NEBL: variants seen among roughly 807,000 people sequenced by gnomAD.
The protein encoded by NEBL is nebulette, also known as LIM and SH3 protein 2.
In NEBL, 122 loss-of-function variants were observed where a neutral mutation model predicts 140.2. That is an observed-to-expected ratio of 0.87 (90% CI 0.75 to 1.01). NEBL has a LOEUF of 1.01. Among genes scored for constraint, NEBL ranks in the 50% least tolerant of loss-of-function variants. The pLI, the probability that NEBL is intolerant of heterozygous loss-of-function variation, is 0.00. For missense variants in NEBL, 1,365 were observed against 1,231.3 expected (o/e 1.11, Z -1.62); for synonymous variants, 436 against 398.9 (o/e 1.09, Z -1.11).
At chr10:20,879,512 A>G (rs1426146258) in intron 5 of NEBL, among the ~76,000 whole-genome samples, 1 of 152,090 alleles carries the variant, frequency 6.6e-6, no homozygotes, top group African/African-American at 2.4e-5. Context: ...AAAACGTAAA[A>G]CCTCATTCCA....
chr10:20,787,784 G>T (rs1835555827), intron 26 of NEBL, among the ~76,000 whole-genome samples: 2 of 152,116 alleles, frequency 1.3e-5, no homozygotes, highest in Non-Finnish European at 2.9e-5. Context: ...TACAAAGACG[G>T]CAAACATAAC....
chr10:21,125,424 A>C (rs887755347), intron 2 of NEBL, among the ~76,000 whole-genome samples: 19 of 152,184 alleles, frequency 1.2e-4, no homozygotes, highest in African/African-American at 4.1e-4. Context: ...GGGGAGAAGA[A>C]ATGGGAAGTT....
At chr10:21,022,409 C>T (rs1026602263) in intron 2 of NEBL, among the ~76,000 whole-genome samples, 3 of 152,214 alleles carry the variant, frequency 2.0e-5, no homozygotes, top group Admixed American at 2.0e-4. Flanking sequence ...CCAAAGCACG[C>T]TAGCACTTGC....
In NEBL at chr10:20,852,605, A is replaced by G. The variant is rs927621143; in HGVS notation, c.948T>C (p.His316=). The G allele has an allele frequency of 6.2e-7, 1 of 1,613,960 alleles. No individual in the cohort carries two copies. Among genetic ancestry groups the G allele is most frequent in the African/African-American group, 1.3e-5 (1 of 75,058 alleles). The change falls in exon 10 of 28, where the codon CAT becomes CAC. Residue 316 remains histidine (H), a synonymous_variant. Transcript: ENST00000377122. ...GATGTTCCACAGCATCTGCATCAAAATGATACATTCCTTTGTTTTCCTCAA... is the reference window on the plus strand; with the variant it reads ...GATGTTCCACAGCATCTGCATCAAAGTGATACATTCCTTTGTTTTCCTCAA... ...KLFEENKGMY[H]FDADAVEHLH...
At chr10:21,000,195 G>T (rs1837836057) in intron 3 of NEBL, among the ~76,000 whole-genome samples, 1 of 107,224 alleles carries the variant, frequency 9.3e-6, no homozygotes, top group Non-Finnish European at 1.8e-5. Context: ...GATAGAGGGG[G>T]AATAGAGGGG....
At chr10:20,945,506 C>T (rs573777028) in intron 4 of NEBL, among the ~76,000 whole-genome samples, 8 of 152,270 alleles carry the variant, frequency 5.3e-5, no homozygotes, top group African/African-American at 1.7e-4. Flanking sequence ...TCATGCATCA[C>T]GTGAATAAAC....
intron 13 of NEBL, among the ~76,000 whole-genome samples, chr10:20,839,789 C>T (rs1196429873): frequency 2.0e-5 from 3 of 152,098 alleles, no homozygotes; most frequent in Non-Finnish European, 4.4e-5. Flanking sequence ...CAAGGAGATT[C>T]AAACCTAAGA....
chr10:21,005,304 A>C (rs563132018), intron 3 of NEBL, among the ~76,000 whole-genome samples: 1 of 152,316 alleles, frequency 6.6e-6, no homozygotes, highest in East Asian at 1.9e-4. Flanking sequence ...CCCATCTAAG[A>C]AATCAGCAGG....
intron 2 of NEBL, among the ~76,000 whole-genome samples, chr10:21,131,929 G>A (rs1046980777): frequency 6.6e-6 from 1 of 152,190 alleles, no homozygotes; most frequent in African/African-American, 2.4e-5. Context: ...TCTGCAAAAA[G>A]GCAGATACAG....
At chr10:21,053,107 C>A (rs2131857298) in intron 2 of NEBL, among the ~76,000 whole-genome samples, 1 of 152,040 alleles carries the variant, frequency 6.6e-6, no homozygotes, top group South Asian at 2.1e-4. Flanking sequence ...ATATCACATG[C>A]CCCATAAATA....
At chr10:21,113,181 C>T in intron 2 of NEBL, 1 of 285,968 alleles carries the variant, frequency 3.5e-6, no homozygotes, top group African/African-American at 2.4e-5. Flanking sequence ...AGAAAAAGTG[C>T]CAGTGAAGAA....
intron 2 of NEBL, among the ~76,000 whole-genome samples, chr10:21,102,462 A>T (rs890301896): frequency 6.6e-6 from 1 of 152,130 alleles, no homozygotes; most frequent in Non-Finnish European, 1.5e-5. Flanking sequence ...AACCAACAAT[A>T]TGCTTTCTGT....
chr10:21,043,307 A>G (rs634567), intron 2 of NEBL, among the ~76,000 whole-genome samples: 115,409 of 152,132 alleles, frequency 0.76, 44,049 homozygotes, highest in East Asian at 0.98. Flanking sequence ...CCTACAAAAA[A>G]ACAGCCGTCA....
At chr10:21,233,311 G>A (rs1029225717) in intron 3 of NEBL, among the ~76,000 whole-genome samples, 4 of 152,086 alleles carry the variant, frequency 2.6e-5, no homozygotes, top group African/African-American at 9.7e-5. Flanking sequence ...GCCTCCCAAA[G>A]TGCAGGGATT....
intron 3 of NEBL, among the ~76,000 whole-genome samples, chr10:21,240,009 CTG>C (rs1390229960): frequency 2.7e-5 from 4 of 149,820 alleles, no homozygotes; most frequent in Non-Finnish European, 5.9e-5. Flanking sequence ...GAGCGAGACT[CTG>C]CCTCAAAAAA....
chr10:21,131,870 C>T (rs1839127413), intron 2 of NEBL, among the ~76,000 whole-genome samples: 1 of 152,166 alleles, frequency 6.6e-6, no homozygotes, highest in Non-Finnish European at 1.5e-5. Context: ...GTAAAAGTTT[C>T]CTGCTGTTGT....
rs186246112 is a variant in NEBL, at chr10:21,231,859, G to A, written n.348+16062C>T. Reference sequence around the variant, plus strand: ...TGGAACAGACCCCCTCTTGGCCAAGGACACTTCAGAAAAAAAACTTGAAAA... The same window carrying A: ...TGGAACAGACCCCCTCTTGGCCAAGAACACTTCAGAAAAAAAACTTGAAAA... On this transcript the variant is annotated intron_variant and non_coding_transcript_variant, in intron 3 of 8. Coordinates refer to the NEBL transcript ENST00000675702. 1.6e-4 allele frequency among the ~76,000 whole-genome samples: 24 copies of A among 151,676 alleles called. 1 individual carries two copies. In the East Asian group the frequency reaches 4.5e-3, roughly 28 times the overall value.
chr10:21,288,401 G>C (rs921149857), intron 1 of NEBL, among the ~76,000 whole-genome samples: 11 of 152,052 alleles, frequency 7.2e-5, no homozygotes, highest in African/African-American at 2.7e-4. Flanking sequence ...CCAGGAGTCA[G>C]AGTTTGCAGT....
At chr10:21,062,430 G>A (rs532175404) in intron 2 of NEBL, among the ~76,000 whole-genome samples, 1 of 152,204 alleles carries the variant, frequency 6.6e-6, no homozygotes, top group East Asian at 1.9e-4. Context: ...GGAGGCGGAG[G>A]TGGGAGAATT....
Sources: allele counts gnomAD v4.1 joint callset (sites outside exome capture counted in the v4.1 genomes callset), GRCh38; gene constraint gnomAD v4.1.1; transcripts MANE v1.5; gene names NCBI Gene and HGNC (gene_info 2026-07-23, HGNC 2026-07-21).